NUP210L: variants seen among roughly 807,000 people sequenced by gnomAD.
NUP210L encodes nuclear pore membrane glycoprotein 210-like.
A neutral mutation model predicts 208.5 loss-of-function variants in NUP210L; 74 were observed. That is an observed-to-expected ratio of 0.35 (90% CI 0.29 to 0.43). The LOEUF is 0.43. Ranked by LOEUF, NUP210L falls within the 20% of genes least tolerant of loss-of-function variation. NUP210L has a pLI of 1.00. For missense variants in NUP210L, 1,843 were observed against 2,289.4 expected (o/e 0.81, Z 3.98); for synonymous variants, 780 against 816.9 (o/e 0.95, Z 0.77).
At chr1:154,040,798 A>G (rs1652833367) in intron 27 of NUP210L, among the ~76,000 whole-genome samples, 1 of 151,970 alleles carries the variant, frequency 6.6e-6, no homozygotes, top group Non-Finnish European at 1.5e-5. Flanking sequence ...TCACCATGTT[A>G]GCCAAGATGG....
At chr1:154,027,738 T>A in intron 28 of NUP210L, 141 bp from the exon 29 acceptor site, 1 of 574,302 alleles carries the variant, frequency 1.7e-6, no homozygotes, top group Non-Finnish European at 3.1e-6. Context: ...AACTTCTAAT[T>A]AGTCTAAAAT....
chr1:154,118,933 AAAAG>A, intron 10 of NUP210L, 125 bp from the exon 11 acceptor site: 1 of 478,612 alleles, frequency 2.1e-6, no homozygotes, highest in Non-Finnish European at 3.7e-6. Flanking sequence ...TTCTATCTAT[AAAAG>A]AAATAAATAA....
intron 16 of NUP210L, among the ~76,000 whole-genome samples, chr1:154,086,910 T>C (rs556253388): frequency 5.3e-5 from 8 of 151,910 alleles, no homozygotes; most frequent in African/African-American, 1.9e-4. Context: ...CTATATGAAA[T>C]GAAGAACTCT....
intron 35 of NUP210L, among the ~76,000 whole-genome samples, chr1:154,008,970 T>C (rs962015059): frequency 1.1e-4 from 17 of 151,590 alleles, no homozygotes; most frequent in Non-Finnish European, 2.1e-4. Context: ...AGTGCAGTGG[T>C]GTGATTTTGG....
chr1:154,076,409 TA>T (rs1655046911), intron 16 of NUP210L, among the ~76,000 whole-genome samples: 2 of 152,280 alleles, frequency 1.3e-5, no homozygotes, highest in South Asian at 4.1e-4. Context: ...GCCAGACTTC[TA>T]ATTAACTTTA....
intron 37 of NUP210L, among the ~76,000 whole-genome samples, chr1:153,996,794 T>C (rs1039710768): frequency 2.6e-5 from 4 of 151,424 alleles, no homozygotes; most frequent in Non-Finnish European, 4.4e-5. Flanking sequence ...TGTCATTTTT[T>C]GGGAGCACTC....
intron 33 of NUP210L, among the ~76,000 whole-genome samples, chr1:154,015,748 C>CAA (rs1412911482): frequency 6.6e-6 from 1 of 150,688 alleles, no homozygotes; most frequent in Non-Finnish European, 1.5e-5. Context: ...CACACACACA[C>CAA]ACCCCACAGA....
intron 27 of NUP210L, among the ~76,000 whole-genome samples, chr1:154,040,751 TA>T (rs1159366194): frequency 6.6e-6 from 1 of 151,874 alleles, no homozygotes; most frequent in Non-Finnish European, 1.5e-5. Flanking sequence ...CATTCCCGGC[TA>T]AATTTTTTTT....
In NUP210L at chr1:154,019,031, G is replaced by A. The variant is rs571512828; in HGVS notation, c.4555C>T (p.Leu1519=). The A allele has an allele frequency of 9.0e-5, 146 of 1,614,062 alleles. 1 individual carries two copies. In the South Asian group the frequency reaches 1.5e-3, roughly 17 times the overall value. The change falls in exon 33 of 40, where the codon CTA becomes TTA. Residue 1519 remains leucine (L), a synonymous_variant. Transcript: ENST00000368559. ...ACTCCAGTGACAATGTCTGTCTGTA[G>A]AATATTGTTGGCAGAAATCATCCAT...
intron 16 of NUP210L, among the ~76,000 whole-genome samples, chr1:154,073,254 T>C (rs1654850615): frequency 1.3e-5 from 2 of 152,174 alleles, no homozygotes; most frequent in South Asian, 4.1e-4. Flanking sequence ...ATTTTTTTAT[T>C]TTTTGTAGAG....
intron 31 of NUP210L, among the ~76,000 whole-genome samples, chr1:154,022,675 C>CTTT (rs375659718): frequency 6.1e-5 from 7 of 114,996 alleles, no homozygotes; most frequent in South Asian, 2.8e-4. Flanking sequence ...TAAGTCTGGT[C>CTTT]TTTTTTTTTT....
chr1:154,153,888 A>T (rs1470311295), intron 1 of NUP210L, among the ~76,000 whole-genome samples: 1 of 152,172 alleles, frequency 6.6e-6, no homozygotes, highest in Non-Finnish European at 1.5e-5. Context: ...ATAAAATGAG[A>T]GGTGAATTTA....
At chr1:154,143,250 G>A (rs888404017) in intron 3 of NUP210L, among the ~76,000 whole-genome samples, 196 bp downstream of exon 3, 1 of 150,906 alleles carries the variant, frequency 6.6e-6, no homozygotes, top group Non-Finnish European at 1.5e-5. Context: ...AACAATAGCA[G>A]GAATATTTTA....
At chr1:154,129,229 G>T in intron 8 of NUP210L, 48 bp downstream of exon 8, 1 of 1,144,186 alleles carries the variant, frequency 8.7e-7, no homozygotes, top group Non-Finnish European at 1.3e-6. Context: ...TCATTTTAGT[G>T]AAATCATTTA....
chr1:154,094,422 C>T (rs941124056), intron 15 of NUP210L, among the ~76,000 whole-genome samples: 7 of 152,102 alleles, frequency 4.6e-5, no homozygotes, highest in South Asian at 2.1e-4. Context: ...CGTGCCACTG[C>T]GCTCCAGCTT....
At chr1:154,094,853 G>T in intron 15 of NUP210L, 82 bp downstream of exon 15, 1 of 1,011,752 alleles carries the variant, frequency 9.9e-7, no homozygotes, top group South Asian at 1.5e-5. Context: ...AAATTCAGCA[G>T]AATCTGAAAA....
At chr1:154,055,119 TTTCTTTTC>T (rs1453515927) in intron 23 of NUP210L, among the ~76,000 whole-genome samples, 3 of 134,186 alleles carry the variant, frequency 2.2e-5, no homozygotes, top group East Asian at 4.5e-4. Context: ...TTTCTCTTTC[TTTCTTTTC>T]TTTCTTTCTT....
chr1:154,096,824 T>C (rs949091684), intron 14 of NUP210L, among the ~76,000 whole-genome samples: 2 of 151,870 alleles, frequency 1.3e-5, no homozygotes, highest in Non-Finnish European at 2.9e-5. Flanking sequence ...CTCATGCCTG[T>C]AATGCAAGCA....
At chr1:154,121,242 T>C (rs1325109957) in intron 10 of NUP210L, among the ~76,000 whole-genome samples, 9 of 152,190 alleles carry the variant, frequency 5.9e-5, no homozygotes. Context: ...GGAGTGTGTC[T>C]ACAGGTAATA....
Sources: gnomAD v4.1 joint callset for allele counts (sites outside exome capture counted in the v4.1 genomes callset) on GRCh38, gnomAD v4.1.1 for gene constraint, MANE v1.5 for transcripts, NCBI Gene and HGNC (gene_info 2026-07-23, HGNC 2026-07-21) for gene names.